The following CIMAP2 variants were observed in gnomAD, a reference collection of about 807,000 sequenced individuals.
CIMAP2 encodes ciliary microtubule associated protein 2, also known as ciliary microtubule-associated protein 2.
At chr1:54,815,180 C>A in the CIMAP2 span, 4 of 1,252,010 alleles carry the variant, frequency 3.2e-6, no homozygotes, top group Non-Finnish European at 4.4e-6. Flanking sequence ...GACCTGAGGT[C>A]CACTCCCACT....
chr1:54,820,128 T>TCTC, the CIMAP2 span, among the ~76,000 whole-genome samples: 1 of 111,576 alleles, frequency 9.0e-6, no homozygotes, highest in African/African-American at 3.3e-5. Flanking sequence ...CTTTCTTTCT[T>TCTC]TCTTTCTTTC....
At chr1:54,807,842 AT>A in the CIMAP2 span, 2 of 1,532,452 alleles carry the variant, frequency 1.3e-6, no homozygotes, top group South Asian at 2.6e-5. Context: ...TCCTGCGTGG[AT>A]TTTCCCAAGT....
At chr1:54,814,619 T>A in the CIMAP2 span, among the ~76,000 whole-genome samples, 1 of 152,194 alleles carries the variant, frequency 6.6e-6, no homozygotes, top group African/African-American at 2.4e-5. Context: ...CCAAGTCTGG[T>A]GTGGTCTCCT....
the CIMAP2 span, chr1:54,811,768 T>TGCATGCCCCCCCCCCCCCCC: frequency 1.9e-6 from 1 of 533,348 alleles, no homozygotes. Flanking sequence ...TCTGACAGCC[T>TGCATGCCCCCCCCCCCCCCC]CCATGCCCCC....
At chr1:54,806,905 C>G in the CIMAP2 span, 1 of 1,189,088 alleles carries the variant, frequency 8.4e-7, no homozygotes, top group Non-Finnish European at 1.3e-6. Context: ...GTCACCTTCC[C>G]GGGCAGCCAA....
chr1:54,825,446 G>A, the CIMAP2 span, among the ~76,000 whole-genome samples: 1 of 152,146 alleles, frequency 6.6e-6, no homozygotes, highest in Non-Finnish European at 1.5e-5. Flanking sequence ...GTTTCTGTAT[G>A]ATTTCTTCAG....
the CIMAP2 span, among the ~76,000 whole-genome samples, chr1:54,831,425 G>A: frequency 1.3e-5 from 2 of 152,012 alleles, no homozygotes; most frequent in South Asian, 2.1e-4. Flanking sequence ...GGCTGAGGCA[G>A]GTGGATCACC....
At chr1:54,817,007 C>G in the CIMAP2 span, 3 of 1,614,034 alleles carry the variant, frequency 1.9e-6, no homozygotes, top group African/African-American at 1.3e-5. Flanking sequence ...AGGTGTGGGC[C>G]GCTACCTCAA....
chr1:54,822,049 C>G, the CIMAP2 span, among the ~76,000 whole-genome samples: 2 of 138,434 alleles, frequency 1.4e-5, 1 homozygote, highest in Non-Finnish European at 3.2e-5. Flanking sequence ...CAGGCGCCCA[C>G]CACTACGCCC....
At chr1:54,813,009 C>T in the CIMAP2 span, among the ~76,000 whole-genome samples, 1 of 152,218 alleles carries the variant, frequency 6.6e-6, no homozygotes, top group African/African-American at 2.4e-5. Context: ...GACCTGGCTG[C>T]TCCCTGGAGC....
the CIMAP2 span, among the ~76,000 whole-genome samples, chr1:54,821,651 G>C: frequency 6.6e-6 from 1 of 151,808 alleles, no homozygotes; most frequent in Non-Finnish European, 1.5e-5. Context: ...ATATTTTTTG[G>C]CAGCTATTGT....
the CIMAP2 span, chr1:54,811,765 G>GCGGGGGGGGGGGGGGGGCCCCCCCCC: frequency 1.5e-6 from 2 of 1,301,328 alleles, no homozygotes; most frequent in Non-Finnish European, 2.2e-6. Context: ...GGTTCTGACA[G>GCGGGGGGGGGGGGGGGGCCCCCCCCC]CCTCCATGCC....
the CIMAP2 span, chr1:54,806,141 G>A: frequency 1.3e-6 from 2 of 1,547,298 alleles, no homozygotes; most frequent in Non-Finnish European, 1.7e-6. Context: ...GGATGCCGCC[G>A]GAGCTCATGG....
the CIMAP2 span, chr1:54,812,118 A>C: frequency 1.3e-5 from 21 of 1,614,112 alleles, no homozygotes; most frequent in East Asian, 1.3e-4. Flanking sequence ...ATCCGTCGGC[A>C]CCCGCGGCCC....
At chr1:54,841,250 A>G in the CIMAP2 span, among the ~76,000 whole-genome samples, 1 of 152,236 alleles carries the variant, frequency 6.6e-6, no homozygotes, top group Non-Finnish European at 1.5e-5. Flanking sequence ...ACAGATACAT[A>G]AAGTGTGTAA....
At chr1:54,837,772 T>A in the CIMAP2 span, among the ~76,000 whole-genome samples, 3 of 152,132 alleles carry the variant, frequency 2.0e-5, no homozygotes, top group African/African-American at 4.8e-5. Context: ...GCCAACAACG[T>A]GCAAGGAAGT....
chr1:54,841,700 C>T, the CIMAP2 span: 2 of 1,596,846 alleles, frequency 1.3e-6, no homozygotes, highest in African/African-American at 1.3e-5. Context: ...GCAGAACCAA[C>T]AGGTACCTGT....
chr1:54,832,311 A>G, the CIMAP2 span, among the ~76,000 whole-genome samples: 82,884 of 152,140 alleles, frequency 0.54, 23,810 homozygotes, highest in South Asian at 0.71. Context: ...AGATACTTAT[A>G]GAACATTTAT....
At chr1:54,827,292 G>T in the CIMAP2 span, among the ~76,000 whole-genome samples, 1 of 152,092 alleles carries the variant, frequency 6.6e-6, no homozygotes, top group African/African-American at 2.4e-5. Flanking sequence ...GGGGTGCTAG[G>T]GCAAGTACCA....
Sources: gnomAD v4.1 joint callset for allele counts (sites outside exome capture counted in the v4.1 genomes callset) on GRCh38, gnomAD v4.1.1 for gene constraint, MANE v1.5 for transcripts, NCBI Gene and HGNC (gene_info 2026-07-23, HGNC 2026-07-21) for gene names.